Variants in FSTL5 observed in about 807,000 individuals in gnomAD.
The protein encoded by FSTL5 is follistatin-related protein 5.
A neutral mutation model predicts 89.1 loss-of-function variants in FSTL5; 62 were observed. That is an observed-to-expected ratio of 0.70 (90% CI 0.57 to 0.86). The LOEUF (loss-of-function observed/expected upper bound fraction) is 0.86, where lower values mean the gene tolerates loss of function less well. Ranked by LOEUF, FSTL5 falls within the 40% of genes least tolerant of loss-of-function variation. FSTL5 has a pLI of 0.00. For synonymous variants in FSTL5, 383 were observed against 346.2 expected (o/e 1.11, Z -1.18); for missense variants, 1,057 against 1,001.6 (o/e 1.06, Z -0.75).
intron 2 of FSTL5, among the ~76,000 whole-genome samples, chr4:162,079,519 A>G (rs1301032164): frequency 1.3e-5 from 2 of 151,620 alleles, no homozygotes; most frequent in African/African-American, 4.8e-5. Flanking sequence ...AAAAGTTTTA[A>G]AAACTCAATA....
At chr4:161,557,903 T>C (rs959640397) in intron 8 of FSTL5, among the ~76,000 whole-genome samples, 3 of 151,800 alleles carry the variant, frequency 2.0e-5, no homozygotes, top group African/African-American at 7.2e-5. Context: ...ATAAGTTATA[T>C]AAACTGAACC....
At chr4:162,077,656 TAA>T (rs889338084) in intron 2 of FSTL5, among the ~76,000 whole-genome samples, 1 of 151,578 alleles carries the variant, frequency 6.6e-6, no homozygotes, top group African/African-American at 2.4e-5. Context: ...TGGTGATAAT[TAA>T]AAAAATAACT....
intron 15 of FSTL5, among the ~76,000 whole-genome samples, chr4:161,439,535 A>C (rs1023327257): frequency 3.3e-5 from 5 of 152,350 alleles, no homozygotes; most frequent in Non-Finnish European, 7.3e-5. Context: ...TATGATTAAA[A>C]ATGGGCTAAA....
At chr4:161,931,808 G>A (rs1198446911) in intron 3 of FSTL5, among the ~76,000 whole-genome samples, 1 of 151,870 alleles carries the variant, frequency 6.6e-6, no homozygotes, top group Non-Finnish European at 1.5e-5. Context: ...CCTCTCTCCT[G>A]TGGAAGACAA....
chr4:162,155,870 G>A (rs1452964356), intron 1 of FSTL5, among the ~76,000 whole-genome samples: 1 of 152,214 alleles, frequency 6.6e-6, no homozygotes, highest in African/African-American at 2.4e-5. Flanking sequence ...CTTGCAGGGT[G>A]TAGAACCAAT....
At chr4:161,798,267 T>C (rs1421248216) in intron 4 of FSTL5, among the ~76,000 whole-genome samples, 3 of 151,772 alleles carry the variant, frequency 2.0e-5, no homozygotes, top group Admixed American at 6.6e-5. Flanking sequence ...ATATTAATCA[T>C]TGTAACTTAC....
intron 4 of FSTL5, among the ~76,000 whole-genome samples, chr4:161,803,922 C>T (rs1265630120): frequency 6.6e-6 from 1 of 151,994 alleles, no homozygotes; most frequent in Non-Finnish European, 1.5e-5. Context: ...TTTCTAGAGG[C>T]TTTAAGATTA....
chr4:161,870,181 C>T (rs1041016402), intron 4 of FSTL5, among the ~76,000 whole-genome samples: 10 of 152,096 alleles, frequency 6.6e-5, no homozygotes, highest in Admixed American at 1.3e-4. Flanking sequence ...ATAATTTGTT[C>T]ACCACGTGGT....
chr4:161,720,514 A>T (rs1739161089), intron 6 of FSTL5, among the ~76,000 whole-genome samples: 1 of 152,168 alleles, frequency 6.6e-6, no homozygotes, highest in South Asian at 2.1e-4. Flanking sequence ...TTCTCAGTAT[A>T]TATCCAAAGG....
At chr4:161,575,129 G>T (rs1733164617) in intron 8 of FSTL5, among the ~76,000 whole-genome samples, 1 of 151,950 alleles carries the variant, frequency 6.6e-6, no homozygotes, top group Non-Finnish European at 1.5e-5. Flanking sequence ...AAGGTTTTTT[G>T]GCCACATAAA....
intron 10 of FSTL5, among the ~76,000 whole-genome samples, chr4:161,511,220 C>A (rs1459603030): frequency 6.6e-6 from 1 of 152,128 alleles, no homozygotes; most frequent in Non-Finnish European, 1.5e-5. Flanking sequence ...GCAATTACTT[C>A]CAGTATTTTG....
In FSTL5 at chr4:161,966,729, C is replaced by T. The variant is rs186336107; in HGVS notation, c.161-46077G>A. Among the ~76,000 whole-genome samples the T allele has an allele frequency of 7.2e-5, 11 of 152,158 alleles. No homozygotes were observed. The South Asian group carries it at 1.4e-3, about 20-fold the overall frequency. On this transcript the variant is annotated intron_variant, in intron 3 of 15. Coordinates refer to ENST00000306100, the MANE Select transcript of FSTL5 (RefSeq NM_020116.5). ...TCAGAAGGAACCAGCCCTGCTGACA[C>T]GTCCATCTTGGACTTCAAACATCCA...
chr4:161,806,365 T>A (rs1206885160), intron 4 of FSTL5, among the ~76,000 whole-genome samples: 1 of 152,114 alleles, frequency 6.6e-6, no homozygotes, highest in African/African-American at 2.4e-5. Context: ...GCCACCAATA[T>A]ACCATTGTTG....
At chr4:161,540,021 G>A (rs549718613) in intron 9 of FSTL5, among the ~76,000 whole-genome samples, 12 of 146,430 alleles carry the variant, frequency 8.2e-5, no homozygotes, top group East Asian at 4.1e-4. Flanking sequence ...ATTTTTACAT[G>A]TTCTCCTAAC....
chr4:161,983,547 T>C (rs1439108811), intron 3 of FSTL5, among the ~76,000 whole-genome samples: 1 of 152,218 alleles, frequency 6.6e-6, no homozygotes, highest in Non-Finnish European at 1.5e-5. Flanking sequence ...TTAAAGCTTA[T>C]GTCTGTGGTT....
intron 1 of FSTL5, among the ~76,000 whole-genome samples, chr4:162,149,544 T>C (rs1184779685): frequency 6.6e-6 from 1 of 151,926 alleles, no homozygotes; most frequent in Non-Finnish European, 1.5e-5. Context: ...GAAGGGCTAA[T>C]GTGCATCATC....
chr4:161,952,941 T>A (rs1734937023), intron 3 of FSTL5, among the ~76,000 whole-genome samples: 1 of 151,806 alleles, frequency 6.6e-6, no homozygotes, highest in Admixed American at 6.6e-5. Context: ...GATGGGTGTG[T>A]AGAGAACTAA....
intron 4 of FSTL5, among the ~76,000 whole-genome samples, chr4:161,903,520 AT>A: frequency 6.6e-6 from 1 of 152,014 alleles, no homozygotes; most frequent in East Asian, 1.9e-4. Flanking sequence ...TTATATTGGA[AT>A]TTTGATAAAA....
chr4:161,604,570 A>C (rs1296932504), intron 7 of FSTL5, among the ~76,000 whole-genome samples: 1 of 152,128 alleles, frequency 6.6e-6, no homozygotes, highest in African/African-American at 2.4e-5. Flanking sequence ...TGAGATCCAA[A>C]CTTCTTTGAT....
Sources: allele counts gnomAD v4.1 joint callset (sites outside exome capture counted in the v4.1 genomes callset), GRCh38; gene constraint gnomAD v4.1.1; transcripts MANE v1.5; gene names NCBI Gene and HGNC (gene_info 2026-07-23, HGNC 2026-07-21).